Variants in NEGR1 observed in about 807,000 individuals in gnomAD.
NEGR1 encodes IgLON family member 4.
In NEGR1, 10 loss-of-function variants were observed where a neutral mutation model predicts 40.9. That is an observed-to-expected ratio of 0.24 (90% CI 0.15 to 0.42). The LOEUF is 0.42. Among genes scored for constraint, NEGR1 ranks in the 10% least tolerant of loss-of-function variants. The probability of loss-of-function intolerance (pLI) is 1.00; values close to 1 mark genes in which losing one functional copy is unlikely to be tolerated. For missense variants in NEGR1, 352 were observed against 438.9 expected (o/e 0.80, Z 1.77); for synonymous variants, 185 against 166.8 (o/e 1.11, Z -0.84).
intron 1 of NEGR1, among the ~76,000 whole-genome samples, chr1:72,259,015 T>C (rs1655367776): frequency 6.6e-6 from 1 of 152,090 alleles, no homozygotes; most frequent in Non-Finnish European, 1.5e-5. Flanking sequence ...TAAAATATGG[T>C]TTTCTGCTGA....
chr1:72,124,570 C>A (rs144006894), intron 1 of NEGR1, among the ~76,000 whole-genome samples: 1 of 152,098 alleles, frequency 6.6e-6, no homozygotes, highest in South Asian at 2.1e-4. Flanking sequence ...AAATGGCTCA[C>A]AAATTTGGGA....
chr1:71,707,192 G>A (rs1258254504), intron 3 of NEGR1, among the ~76,000 whole-genome samples: 4 of 152,106 alleles, frequency 2.6e-5, no homozygotes, highest in South Asian at 2.1e-4. Context: ...CACCAAGTGG[G>A]CTCTTGGGCT....
Position 72,000,475 on chromosome 1 carries a change from T to C in NEGR1, c.177-65164A>G, listed in dbSNP as rs545538143. On this transcript the variant is annotated intron_variant, in intron 1 of 6. Coordinates refer to ENST00000357731, the MANE Select transcript of NEGR1 (RefSeq NM_173808.3). ...GCATTAATAACTTCAAAAATATAAATGCTATACTCTTTACCAAAAATACAA... is the reference window on the plus strand; with the variant it reads ...GCATTAATAACTTCAAAAATATAAACGCTATACTCTTTACCAAAAATACAA... 3.3e-5 allele frequency among the ~76,000 whole-genome samples: 5 copies of C among 152,244 alleles called. No individual in the cohort carries two copies. The South Asian group carries it at 1.0e-3, about 31-fold the overall frequency.
intron 5 of NEGR1, among the ~76,000 whole-genome samples, chr1:71,604,380 C>A (rs1420207515): frequency 6.6e-6 from 1 of 151,902 alleles, no homozygotes; most frequent in Non-Finnish European, 1.5e-5. Context: ...TTCCTACATA[C>A]AAAAAAATTT....
At chr1:71,923,323 G>A (rs2101884881) in intron 2 of NEGR1, among the ~76,000 whole-genome samples, 1 of 151,706 alleles carries the variant, frequency 6.6e-6, no homozygotes, top group African/African-American at 2.4e-5. Context: ...TCCATATGTT[G>A]AGGCCAGGGC....
chr1:71,638,689 C>G (rs892900631), intron 4 of NEGR1, among the ~76,000 whole-genome samples: 1 of 151,970 alleles, frequency 6.6e-6, no homozygotes, highest in Non-Finnish European at 1.5e-5. Context: ...TGTCTAAGGT[C>G]ATATTCTAAA....
chr1:71,584,104 T>C (rs1392070750), intron 6 of NEGR1, among the ~76,000 whole-genome samples: 1 of 152,184 alleles, frequency 6.6e-6, no homozygotes, highest in East Asian at 1.9e-4. Flanking sequence ...TATTCAAATC[T>C]TGTCTAACTA....
chr1:71,729,851 T>C (rs1654797803), intron 3 of NEGR1, among the ~76,000 whole-genome samples: 1 of 151,470 alleles, frequency 6.6e-6, no homozygotes, highest in Non-Finnish European at 1.5e-5. Context: ...GTTTTTGGTT[T>C]TTTTTTTTTG....
chr1:71,910,100 T>A (rs1029829863), intron 2 of NEGR1, among the ~76,000 whole-genome samples: 2 of 152,208 alleles, frequency 1.3e-5, no homozygotes, highest in African/African-American at 4.8e-5. Flanking sequence ...GCCACATACT[T>A]GGACATTAAA....
At chr1:71,639,676 C>T (rs1165939115) in intron 4 of NEGR1, among the ~76,000 whole-genome samples, 1 of 152,014 alleles carries the variant, frequency 6.6e-6, no homozygotes, top group Non-Finnish European at 1.5e-5. Context: ...CCATTACTCA[C>T]TTGTGTTTGG....
chr1:71,900,831 A>C (rs1460483392), intron 2 of NEGR1, among the ~76,000 whole-genome samples: 1 of 152,184 alleles, frequency 6.6e-6, no homozygotes, highest in Non-Finnish European at 1.5e-5. Flanking sequence ...ACTTGGAAAG[A>C]TACATTGAAG....
At chr1:71,639,006 G>A in intron 4 of NEGR1, among the ~76,000 whole-genome samples, 1 of 151,114 alleles carries the variant, frequency 6.6e-6, no homozygotes, top group South Asian at 2.1e-4. Context: ...AATAAAATAA[G>A]AATAAAATAA....
At chr1:71,754,076 G>A (rs1002135807) in intron 3 of NEGR1, among the ~76,000 whole-genome samples, 1 of 151,934 alleles carries the variant, frequency 6.6e-6, no homozygotes, top group African/African-American at 2.4e-5. Flanking sequence ...CTATCAAAAA[G>A]AGGAGACTCG....
At chr1:71,615,808 T>C (rs1195501690) in intron 4 of NEGR1, among the ~76,000 whole-genome samples, 1 of 152,180 alleles carries the variant, frequency 6.6e-6, no homozygotes, top group East Asian at 1.9e-4. Context: ...GTGTGGAACA[T>C]GGTCTGCAAA....
chr1:72,135,320 G>A (rs1650411265), intron 1 of NEGR1, among the ~76,000 whole-genome samples: 1 of 136,714 alleles, frequency 7.3e-6, no homozygotes, highest in Non-Finnish European at 1.5e-5. Context: ...AGCTTGCAGT[G>A]AGCCGAGATC....
chr1:72,032,150 T>C (rs1199247852), intron 1 of NEGR1, among the ~76,000 whole-genome samples: 1 of 152,212 alleles, frequency 6.6e-6, no homozygotes, highest in Non-Finnish European at 1.5e-5. Context: ...GACTTACTTC[T>C]CATGTGTTTA....
intron 3 of NEGR1, among the ~76,000 whole-genome samples, chr1:71,701,738 C>G (rs528978590): frequency 1.3e-5 from 2 of 152,026 alleles, no homozygotes; most frequent in South Asian, 2.1e-4. Flanking sequence ...CTTGCATATA[C>G]AAATTTTAAT....
chr1:71,738,868 G>A (rs1410406901), intron 3 of NEGR1, among the ~76,000 whole-genome samples: 1 of 152,002 alleles, frequency 6.6e-6, no homozygotes, highest in Non-Finnish European at 1.5e-5. Flanking sequence ...TTTATACATT[G>A]TATGTAACAA....
intron 2 of NEGR1, among the ~76,000 whole-genome samples, chr1:71,927,763 C>G (rs934163843): frequency 7.4e-6 from 1 of 134,958 alleles, no homozygotes; most frequent in Non-Finnish European, 1.5e-5. Flanking sequence ...GTGGGTAGAT[C>G]GCCTGAGCCC....
Sources: allele counts gnomAD v4.1 joint callset (sites outside exome capture counted in the v4.1 genomes callset), GRCh38; gene constraint gnomAD v4.1.1; transcripts MANE v1.5; gene names NCBI Gene and HGNC (gene_info 2026-07-23, HGNC 2026-07-21).